BMAL1: variants seen among roughly 807,000 people sequenced by gnomAD.
BMAL1 encodes basic helix-loop-helix ARNT like 1, also known as basic helix-loop-helix ARNT-like protein 1.
the BMAL1 span, chr11:13,310,135 T>C: frequency 6.5e-6 from 1 of 152,680 alleles, no homozygotes; most frequent in African/African-American, 2.4e-5. Flanking sequence ...AAGGTAGTTA[T>C]CATTGGCAAG....
chr11:13,307,435 G>C, the BMAL1 span, among the ~76,000 whole-genome samples: 44 of 152,298 alleles, frequency 2.9e-4, 1 homozygote, highest in African/African-American at 9.9e-4. Flanking sequence ...TTCACCTGTA[G>C]CGACAGCATC....
the BMAL1 span, among the ~76,000 whole-genome samples, chr11:13,316,457 T>G: frequency 1.3e-5 from 2 of 152,220 alleles, no homozygotes; most frequent in Non-Finnish European, 2.9e-5. Flanking sequence ...CTTGGCTAAA[T>G]ACATATTTTC....
At chr11:13,337,580 C>T in the BMAL1 span, among the ~76,000 whole-genome samples, 3 of 152,234 alleles carry the variant, frequency 2.0e-5, no homozygotes, top group East Asian at 3.9e-4. Flanking sequence ...ACTGACCTGC[C>T]CATTTACCAC....
the BMAL1 span, among the ~76,000 whole-genome samples, chr11:13,328,458 G>A: frequency 6.6e-6 from 1 of 152,114 alleles, no homozygotes; most frequent in African/African-American, 2.4e-5. Flanking sequence ...CATTTCCAGT[G>A]AACCGTGGAG....
chr11:13,307,477 A>G, the BMAL1 span, among the ~76,000 whole-genome samples: 1 of 152,170 alleles, frequency 6.6e-6, no homozygotes, highest in African/African-American at 2.4e-5. Context: ...AGAGTCCTAG[A>G]GATGTTAGAC....
chr11:13,297,562 G>A, the BMAL1 span, among the ~76,000 whole-genome samples: 1 of 152,292 alleles, frequency 6.6e-6, no homozygotes, highest in East Asian at 1.9e-4. Context: ...TGTGAGGGTG[G>A]GCAGGCTGCA....
At chr11:13,376,897 GT>G in the BMAL1 span, 1 of 609,840 alleles carries the variant, frequency 1.6e-6, no homozygotes, top group Non-Finnish European at 2.8e-6. Context: ...ACACTGTCAT[GT>G]CACTTTCTCT....
At chr11:13,308,504 G>A in the BMAL1 span, among the ~76,000 whole-genome samples, 1 of 152,184 alleles carries the variant, frequency 6.6e-6, no homozygotes, top group Admixed American at 6.5e-5. Context: ...GACATAAGAG[G>A]TGGGGAGATG....
At chr11:13,289,620 A>G in the BMAL1 span, among the ~76,000 whole-genome samples, 1 of 152,142 alleles carries the variant, frequency 6.6e-6, no homozygotes, top group Non-Finnish European at 1.5e-5. Flanking sequence ...CCTATAAGTG[A>G]GAACATGCGG....
chr11:13,284,146 G>GTATATATATATGTGTGTA, the BMAL1 span, among the ~76,000 whole-genome samples: 2 of 61,012 alleles, frequency 3.3e-5, no homozygotes, highest in African/African-American at 1.5e-4. Flanking sequence ...ATATATATGT[G>GTATATATATATGTGTGTA]TATATATATA....
chr11:13,351,341 C>G, the BMAL1 span, among the ~76,000 whole-genome samples: 1 of 151,922 alleles, frequency 6.6e-6, no homozygotes, highest in East Asian at 1.9e-4. Flanking sequence ...GGCCTGGCAA[C>G]CAGAAGGATT....
At chr11:13,345,312 A>AG in the BMAL1 span, among the ~76,000 whole-genome samples, 3 of 152,236 alleles carry the variant, frequency 2.0e-5, no homozygotes, top group African/African-American at 7.2e-5. Context: ...GGTCCCATAC[A>AG]GAGAACCTTC....
At chr11:13,352,706 A>G in the BMAL1 span, among the ~76,000 whole-genome samples, 1 of 152,364 alleles carries the variant, frequency 6.6e-6, no homozygotes, top group South Asian at 2.1e-4. Flanking sequence ...AGTGCTTATC[A>G]AAGTGAAAAA....
the BMAL1 span, among the ~76,000 whole-genome samples, chr11:13,331,203 A>G: frequency 1.3e-5 from 2 of 152,234 alleles, no homozygotes; most frequent in Non-Finnish European, 2.9e-5. Context: ...GCCCATGCAT[A>G]AGCAGACCAA....
At chr11:13,329,311 AAGTATAT>A in the BMAL1 span, among the ~76,000 whole-genome samples, 11 of 152,188 alleles carry the variant, frequency 7.2e-5, no homozygotes, top group Admixed American at 7.2e-4. Flanking sequence ...CTGCCCCTCC[AAGTATAT>A]AGGTCTCAAT....
the BMAL1 span, among the ~76,000 whole-genome samples, chr11:13,352,302 C>T: frequency 1.3e-5 from 2 of 152,152 alleles, no homozygotes; most frequent in African/African-American, 4.8e-5. Flanking sequence ...TGAAGGATTG[C>T]TGGGCGGCAT....
At chr11:13,332,882 G>A in the BMAL1 span, among the ~76,000 whole-genome samples, 3 of 152,106 alleles carry the variant, frequency 2.0e-5, no homozygotes, top group Admixed American at 6.5e-5. Flanking sequence ...TTCCTGTCAC[G>A]GTCATAGCCC....
At chr11:13,374,009 C>A in the BMAL1 span, 1 of 1,189,350 alleles carries the variant, frequency 8.4e-7, no homozygotes, top group Non-Finnish European at 1.2e-6. Context: ...CTCTCATAGG[C>A]TGTAGCAGGG....
the BMAL1 span, among the ~76,000 whole-genome samples, chr11:13,366,140 G>A: frequency 6.6e-6 from 1 of 152,194 alleles, no homozygotes; most frequent in Non-Finnish European, 1.5e-5. Flanking sequence ...TATTTGCATG[G>A]AAGCTTGGTA....
Sources: gnomAD v4.1 joint callset for allele counts (sites outside exome capture counted in the v4.1 genomes callset) on GRCh38, gnomAD v4.1.1 for gene constraint, MANE v1.5 for transcripts, NCBI Gene and HGNC (gene_info 2026-07-23, HGNC 2026-07-21) for gene names.